Variants in GLIPR1L2 observed in about 807,000 individuals in gnomAD.
GLIPR1L2 encodes the protein GLIPR1 like 2.
Under a neutral mutation model 28.4 loss-of-function variants are expected in GLIPR1L2, and 21 were observed. That is an observed-to-expected ratio of 0.74 (90% CI 0.52 to 1.06). The LOEUF is 1.06. Among genes scored for constraint, GLIPR1L2 ranks in the 50% least tolerant of loss-of-function variants. The probability of loss-of-function intolerance (pLI) is 0.00; values close to 1 mark genes in which losing one functional copy is unlikely to be tolerated. For missense variants in GLIPR1L2, 476 were observed against 416.9 expected (o/e 1.14, Z -1.23); for synonymous variants, 145 against 139.3 (o/e 1.04, Z -0.29).
intron 1 of GLIPR1L2, chr12:75,391,679 A>G (rs2045603597): frequency 9.5e-6 from 5 of 528,464 alleles, no homozygotes; most frequent in South Asian, 1.8e-5. Context: ...AAAAATATCA[A>G]TATCAAGGGT....
At chr12:75,423,751 T>C (rs769564980) in intron 4 of GLIPR1L2, 2 of 152,368 alleles carry the variant, frequency 1.3e-5, no homozygotes, top group African/African-American at 4.8e-5. Context: ...CAGTGTGTGA[T>C]GTTCTTCTCC....
Position 75,431,271 on chromosome 12 carries a change from A to C in GLIPR1L2, c.*110A>C. On this transcript the variant is annotated 3_prime_UTR_variant, in exon 6 of 6. Coordinates refer to ENST00000550916, the MANE Select transcript of GLIPR1L2 (RefSeq NM_001270396.2). ...AACACTGAGTTTTAACAAGAAAGAA[A>C]ATATGCAAACCACCATTGGAATGTT... 1.7e-6 allele frequency: 1 copy of C among 586,886 alleles called. No homozygotes were observed. Among genetic ancestry groups the C allele is most frequent in the South Asian group, 2.2e-5 (1 of 44,946 alleles). The allele number at this position is 586,886 out of a possible 1,614,324, so 36.4% of individuals were successfully genotyped here. A position where few individuals can be genotyped will look rare whatever the true frequency, so the allele number is the denominator to read the frequency against.
At chr12:75,428,666 C>T (rs1318718545) in intron 4 of GLIPR1L2, among the ~76,000 whole-genome samples, 1 of 152,216 alleles carries the variant, frequency 6.6e-6, no homozygotes, top group Non-Finnish European at 1.5e-5. Flanking sequence ...CCTCCCATCA[C>T]AGGCCCAGAG....
chr12:75,410,561 G>A lies in GLIPR1L2; in HGVS notation c.362G>A (p.Trp121Ter), dbSNP rs1446850401. 2 of 1,612,238 alleles carry A rather than the reference G, an allele frequency of 1.2e-6. No homozygotes were observed. Among genetic ancestry groups the A allele is most frequent in the Non-Finnish European group, 1.7e-6 (2 of 1,178,858 alleles). The change falls in exon 2 of 6, where the codon TGG (tryptophan) becomes TAG (stop). Residue 121 changes from tryptophan (W) to a stop codon, truncating the protein, a stop_gained. Transcript: ENST00000550916. LOFTEE classifies it high-confidence loss of function. ...PKFYGIGENMWVGPENEFTAS... is the reference protein window; with the variant it reads ...PKFYGIGENM Reference sequence around the variant, plus strand: ...TTTTATGGTATTGGTGAAAATATGTGGGTCGGCCCTGAAAATGAATTTACT... The same window carrying A: ...TTTTATGGTATTGGTGAAAATATGTAGGTCGGCCCTGAAAATGAATTTACT...
chr12:75,423,273 T>G, intron 4 of GLIPR1L2: 1 of 1,221,990 alleles, frequency 8.2e-7, no homozygotes, highest in East Asian at 3.7e-5. Flanking sequence ...AGCTTCACAG[T>G]TTATGCCCAA....
chr12:75,400,180 G>A (rs747781243), intron 1 of GLIPR1L2, among the ~76,000 whole-genome samples: 3 of 151,988 alleles, frequency 2.0e-5, no homozygotes, highest in Non-Finnish European at 2.9e-5. Context: ...GTGCAGTGGC[G>A]CCATCTCGGC....
intron 5 of GLIPR1L2, 35 bp downstream of exon 5, chr12:75,430,776 G>A (rs2139971830): frequency 6.5e-7 from 1 of 1,534,270 alleles, no homozygotes; most frequent in Middle Eastern, 1.7e-4. Flanking sequence ...TTGAACAATT[G>A]AACTGCTTTA....
chr12:75,430,894 T>G lies in GLIPR1L2; in HGVS notation c.768T>G (p.Ile256Met). The change falls in exon 6 of 6, where the codon ATT becomes ATG. Residue 256 changes from isoleucine to methionine, a missense_variant. Physicochemically the swap from Ile to Met is conservative, Grantham distance 10. Coordinates refer to ENST00000550916, the MANE Select transcript of GLIPR1L2 (RefSeq NM_001270396.2). ...TGTGTGATCCACTGTGCACATTCAT[T>G]TTATTATTGAGAATATTATGTTTTA... is the stretch of plus-strand genomic sequence containing the variant. ...PVVCDPLCTFILLLRILCFIL... is the reference protein window; with the variant it reads ...PVVCDPLCTFMLLLRILCFIL... 6.5e-7 allele frequency: 1 copy of G among 1,535,984 alleles called. No individual in the cohort carries two copies. The highest frequency in any genetic ancestry group is 8.7e-7 in the Non-Finnish European group (1 of 1,146,776).
chr12:75,398,859 T>C (rs2045710532), intron 1 of GLIPR1L2, among the ~76,000 whole-genome samples: 1 of 152,192 alleles, frequency 6.6e-6, no homozygotes, highest in Non-Finnish European at 1.5e-5. Context: ...ATACATTTTT[T>C]AAGGTTTTGA....
Position 75,391,125 on chromosome 12 carries a change from C to T in GLIPR1L2, c.9C>T (p.Ala3=), listed in dbSNP as rs755986324. 7.4e-6 allele frequency: 12 copies of T among 1,612,754 alleles called. No individual in the cohort carries two copies. Among genetic ancestry groups the T allele is most frequent in the Admixed American group, 3.3e-5 (2 of 59,974 alleles). The change falls in exon 1 of 6, where the codon GCC becomes GCT. Residue 3 remains alanine, a synonymous_variant. Coordinates refer to ENST00000550916, the MANE Select transcript of GLIPR1L2 (RefSeq NM_001270396.2). Reference sequence around the variant, plus strand: ...TCAGCGGCCGGTGGACCATGGAGGCCGCAAGGCCCTTCGCCCGGGAGTGGA... The same window carrying T: ...TCAGCGGCCGGTGGACCATGGAGGCTGCAAGGCCCTTCGCCCGGGAGTGGA... ME[A]ARPFAREWRA...
intron 1 of GLIPR1L2, among the ~76,000 whole-genome samples, chr12:75,409,554 T>G (rs1054309235): frequency 2.0e-4 from 23 of 116,216 alleles, no homozygotes; most frequent in African/African-American, 4.8e-4. Context: ...AGATTTTTTT[T>G]GGGTGTGTGT....
rs940782209 is a variant in GLIPR1L2, at chr12:75,400,297, AT to A, written c.234+8955del. On this transcript the variant is annotated intron_variant, in intron 1 of 5. Transcript: ENST00000550916. ...CCACGCCCGGCTAATTTTTTTTTGTATTTTTTTTAGTAGATATAGGTTTTCA... is the reference window on the plus strand; with the variant it reads ...CCACGCCCGGCTAATTTTTTTTTGTATTTTTTTAGTAGATATAGGTTTTCA... Among the ~76,000 whole-genome samples the A allele has an allele frequency of 1.3e-5, 2 of 150,604 alleles. 1 individual carries two copies. Among genetic ancestry groups the A allele is most frequent in the Admixed American group, 1.3e-4 (2 of 15,114 alleles).
chr12:75,413,800 T>C (rs2045897088), intron 3 of GLIPR1L2, 99 bp downstream of exon 3: 1 of 527,126 alleles, frequency 1.9e-6, no homozygotes, highest in East Asian at 3.5e-5. Context: ...TTTTGAACTA[T>C]AAAATAAATA....
intron 3 of GLIPR1L2, among the ~76,000 whole-genome samples, chr12:75,418,104 T>C (rs1394783067): frequency 6.6e-6 from 1 of 152,166 alleles, no homozygotes; most frequent in East Asian, 1.9e-4. Context: ...ACATTGCACA[T>C]TACATTTTAT....
chr12:75,403,057 T>C (rs559264645), intron 1 of GLIPR1L2: 9 of 457,120 alleles, frequency 2.0e-5, no homozygotes, highest in Non-Finnish European at 2.6e-5. Flanking sequence ...AGATTCATCA[T>C]TGGATTTCCA....
intron 1 of GLIPR1L2, among the ~76,000 whole-genome samples, chr12:75,396,406 C>G (rs988561819): frequency 1.3e-5 from 2 of 152,130 alleles, no homozygotes; most frequent in Non-Finnish European, 2.9e-5. Context: ...ATTATTTATG[C>G]TAGCAACTAT....
intron 4 of GLIPR1L2, chr12:75,423,821 G>A (rs1377311925): frequency 6.6e-6 from 1 of 152,118 alleles, no homozygotes; most frequent in Non-Finnish European, 1.5e-5. Context: ...TGCAGTGTTT[G>A]GTTTTCTGTT....
chr12:75,410,798 T>A, intron 2 of GLIPR1L2, 119 bp downstream of exon 2: 2 of 760,536 alleles, frequency 2.6e-6, no homozygotes, highest in South Asian at 4.6e-5. Context: ...TTTAATAAGA[T>A]CACAATTTTA....
Position 75,422,757 on chromosome 12 carries a change from T to C in GLIPR1L2, c.585-147T>C, listed in dbSNP as rs1594028267. The C allele has an allele frequency of 1.2e-5, 7 of 596,738 alleles. 1 individual carries two copies. Among genetic ancestry groups the C allele is most frequent in the Non-Finnish European group, 2.0e-5 (7 of 354,196 alleles). The allele number at this position is 596,738 out of a possible 1,614,324, so 37.0% of individuals were successfully genotyped here. ...CCTAGGGGAGAACAAAAGGGAAACA[T>C]TGAATCTCTAATTAAAGTATTTCCT... On this transcript the variant is annotated intron_variant, in intron 3 of 5. Transcript: ENST00000550916.
Sources: allele counts gnomAD v4.1 joint callset (sites outside exome capture counted in the v4.1 genomes callset), GRCh38; gene constraint gnomAD v4.1.1; transcripts MANE v1.5; gene names NCBI Gene and HGNC (gene_info 2026-07-23, HGNC 2026-07-21).